Variants in RADIL observed in about 807,000 individuals in gnomAD.
RADIL encodes ras-associating and dilute domain-containing protein.
Under a neutral mutation model 97.6 loss-of-function variants are expected in RADIL, and 99 were observed. That is an observed-to-expected ratio of 1.01 (90% CI 0.86 to 1.20). RADIL has a LOEUF of 1.20. RADIL is among the 50% of genes most tolerant of loss of function. The pLI is 0.00. For synonymous variants in RADIL, 803 were observed against 691.8 expected, an observed-to-expected ratio of 1.16 and a Z score of -2.52; for missense variants, 1,765 against 1,498.9, an observed-to-expected ratio of 1.18 and a Z score of -2.93.
chr7:4,800,653 C>T (rs1222357423), intron 12 of RADIL, among the ~76,000 whole-genome samples: 1 of 152,272 alleles, frequency 6.6e-6, no homozygotes, highest in South Asian at 2.1e-4. Flanking sequence ...CCTCCTCCCT[C>T]CACACCCAGA....
chr7:4,836,617 G>T lies in RADIL; in HGVS notation c.536-12C>A. ...CTGGGCGTTTATCCCTGGAACAGAA[G>T]CAACACAAGGTGAACAGTTAGAAGT... is the stretch of plus-strand genomic sequence containing the variant. On this transcript the variant is annotated splice_polypyrimidine_tract_variant and intron_variant, in intron 2 of 14. Transcript: ENST00000399583. 6.2e-7 allele frequency: 1 copy of T among 1,605,396 alleles called. No homozygotes were observed. The highest frequency in any genetic ancestry group is 8.5e-7 in the Non-Finnish European group (1 of 1,179,634).
chr7:4,820,375 A>T (rs1259116398), intron 6 of RADIL, among the ~76,000 whole-genome samples: 1 of 152,166 alleles, frequency 6.6e-6, no homozygotes, highest in Non-Finnish European at 1.5e-5. Flanking sequence ...GTGGAGACTT[A>T]GGGACCCACA....
rs993400653 is a variant in RADIL at position 4,821,180 on chromosome 7, C to A, written c.1615+1214G>T. On this transcript the variant is annotated intron_variant, in intron 6 of 14. Transcript: ENST00000399583. This position sits in a 1 kb window ranked among gnomAD's most constrained non-coding sequence, Gnocchi z 5.2. ...CTGGAGCAGCTCTGAATGCACCACT[C>A]CCTACCCGGATCCTCCAGAAGCCAG... 3.2e-4 allele frequency among the ~76,000 whole-genome samples: 48 copies of A among 152,186 alleles called. No homozygotes were observed. Among genetic ancestry groups the A allele is most frequent in the Non-Finnish European group, 4.9e-4 (33 of 68,034 alleles).
intron 2 of RADIL, among the ~76,000 whole-genome samples, chr7:4,866,916 G>C (rs1257979513): frequency 1.3e-5 from 2 of 152,190 alleles, no homozygotes; most frequent in Non-Finnish European, 2.9e-5. Context: ...GGCAAGACCA[G>C]ATCGAGAATG....
At chr7:4,830,178 A>G (rs948501580) in intron 5 of RADIL, among the ~76,000 whole-genome samples, 1 of 152,212 alleles carries the variant, frequency 6.6e-6, no homozygotes, top group East Asian at 1.9e-4. Context: ...ACACTGTGCT[A>G]GGTGCTTTTT....
At position 4,816,391 on chromosome 7, in the gene RADIL, C is replaced by T. The variant is rs150074144; in HGVS notation, c.1803G>A (p.Ser601=). 292 of 1,609,390 alleles carry T rather than the reference C, an allele frequency of 1.8e-4. No homozygotes were observed. In the East Asian group the frequency reaches 3.3e-3, roughly 18 times the overall value. ...GCAGCTCCTCGGGCAGTTCGGGGGC[C>T]GAGGACCAGCTCTCACGGCGCTCCG... ...FQTERRESWS[S]APELPEELRR... The change falls in exon 8 of 15, where the codon TCG becomes TCA. Residue 601 remains serine, a synonymous_variant. Coordinates refer to ENST00000399583, the MANE Select transcript of RADIL (RefSeq NM_018059.5).
intron 2 of RADIL, chr7:4,859,552 C>T (rs1279441511): frequency 4.6e-6 from 1 of 217,976 alleles, no homozygotes; most frequent in East Asian, 1.2e-4. Context: ...ACCAAATGAG[C>T]CTCAATCTAT....
At position 4,873,106 on chromosome 7, in the gene RADIL, T is replaced by C. The variant is rs953585307; in HGVS notation, c.535+4499A>G. On this transcript the variant is annotated intron_variant, in intron 2 of 14. Coordinates refer to ENST00000399583, the MANE Select transcript of RADIL (RefSeq NM_018059.5). The surrounding 1 kb of genome is among the most constrained non-coding windows in gnomAD (Gnocchi z 4.3). Reference sequence around the variant, plus strand: ...CCATCATGCCCGGCTACTTCTTTTATATTTTCAGTAGAGACGGGGTTTCAC... The same window carrying C: ...CCATCATGCCCGGCTACTTCTTTTACATTTTCAGTAGAGACGGGGTTTCAC... Among the ~76,000 whole-genome samples the C allele has an allele frequency of 1.3e-5, 2 of 152,168 alleles. No individual in the cohort carries two copies. The highest frequency in any genetic ancestry group is 2.9e-5 in the Non-Finnish European group (2 of 68,028).
intron 5 of RADIL, among the ~76,000 whole-genome samples, chr7:4,826,273 TA>T (rs1449433676): frequency 1.3e-5 from 2 of 151,966 alleles, no homozygotes; most frequent in African/African-American, 4.8e-5. Context: ...ACAGTAGTGT[TA>T]AAAGCAAGCT....
intron 9 of RADIL, among the ~76,000 whole-genome samples, chr7:4,810,198 CTG>C (rs1361702044): frequency 6.6e-6 from 1 of 152,142 alleles, no homozygotes; most frequent in Non-Finnish European, 1.5e-5. Flanking sequence ...GGGTCTTACT[CTG>C]TCACCCAGGC....
intron 2 of RADIL, among the ~76,000 whole-genome samples, chr7:4,866,914 C>A (rs1000523556): frequency 1.3e-5 from 2 of 152,142 alleles, no homozygotes; most frequent in South Asian, 4.1e-4. Flanking sequence ...CTGGCAAGAC[C>A]AGATCGAGAA....
At chr7:4,839,406 T>A (rs902693174) in intron 2 of RADIL, among the ~76,000 whole-genome samples, 1 of 152,170 alleles carries the variant, frequency 6.6e-6, no homozygotes, top group Non-Finnish European at 1.5e-5. Context: ...ATGTGTTTTA[T>A]GGCCAAGCGT....
At position 4,872,806 on chromosome 7, in the gene RADIL, G is replaced by A. The variant is rs541759043; in HGVS notation, c.535+4799C>T. Among the ~76,000 whole-genome samples, 5 of 152,278 alleles carry A rather than the reference G, an allele frequency of 3.3e-5. No individual in the cohort carries two copies. Among genetic ancestry groups the A allele is most frequent in the African/African-American group, 7.2e-5 (3 of 41,568 alleles). On this transcript the variant is annotated intron_variant, in intron 2 of 14. Coordinates refer to ENST00000399583, the MANE Select transcript of RADIL (RefSeq NM_018059.5). This position sits in a 1 kb window ranked among gnomAD's most constrained non-coding sequence, Gnocchi z 5.8. ...AGTGATGAGTGAACCGGCAGGAAGC[G>A]CCTGGCTGACACCTTCCCCACCAGA...
chr7:4,828,479 T>G (rs1030505013), intron 5 of RADIL, among the ~76,000 whole-genome samples: 2 of 152,200 alleles, frequency 1.3e-5, no homozygotes, highest in Admixed American at 6.5e-5. Context: ...AACCTAGGAA[T>G]GTAGCACTCC....
At position 4,813,070 on chromosome 7, in the gene RADIL, TTCTTTC is replaced by T. The variant is rs897006739; in HGVS notation, c.2139+2202_2139+2207del. Among the ~76,000 whole-genome samples, 10 of 117,110 alleles carry T rather than the reference TTCTTTC, an allele frequency of 8.5e-5. No homozygotes were observed. The highest frequency in any genetic ancestry group is 1.3e-4 in the Non-Finnish European group (7 of 54,188). 76.8% of individuals were successfully genotyped at this position (117,110 alleles called of 152,430 possible). A position where few individuals can be genotyped will look rare whatever the true frequency, so the allele number is the denominator to read the frequency against. ...CTGCTTCATCCTTACCCCAAGGTTCTTCTTTCTCTCTCTCTCTCTCTCTCTCTCTCT... is the reference window on the plus strand; with the variant it reads ...CTGCTTCATCCTTACCCCAAGGTTCTTCTCTCTCTCTCTCTCTCTCTCTCT... On this transcript the variant is annotated intron_variant, in intron 9 of 14. Transcript: ENST00000399583. The surrounding 1 kb of genome is among the most constrained non-coding windows in gnomAD (Gnocchi z 5.0).
In RADIL at chr7:4,824,615, C is replaced by T. The variant is rs1006998539; in HGVS notation, c.1455-2061G>A. 3.7e-4 allele frequency among the ~76,000 whole-genome samples: 57 copies of T among 152,340 alleles called. 2 individuals carry two copies. The highest frequency in any genetic ancestry group is 2.9e-3 in the Admixed American group (44 of 15,306). On this transcript the variant is annotated intron_variant, in intron 5 of 14. Coordinates refer to ENST00000399583, the MANE Select transcript of RADIL (RefSeq NM_018059.5). The surrounding 1 kb of genome is among the most constrained non-coding windows in gnomAD (Gnocchi z 6.7). ...CCACAAACAATGTTGACCTCTCTCGCGTGCACACACCCGGGGAGGGAAGAA... is the reference window on the plus strand; with the variant it reads ...CCACAAACAATGTTGACCTCTCTCGTGTGCACACACCCGGGGAGGGAAGAA...
At chr7:4,865,855 A>G in intron 2 of RADIL, 1 of 694,158 alleles carries the variant, frequency 1.4e-6, no homozygotes, top group Admixed American at 2.1e-5. Flanking sequence ...CTGTGTTGAG[A>G]TATGTTTAGA....
At chr7:4,841,585 T>A (rs774194973) in intron 2 of RADIL, among the ~76,000 whole-genome samples, 72 of 152,116 alleles carry the variant, frequency 4.7e-4, no homozygotes, top group Admixed American at 1.3e-3. Context: ...TGCCCCGTGT[T>A]GATCCACTCT....
Position 4,815,378 on chromosome 7 carries a change from C to T in RADIL, c.2039G>A (p.Trp680Ter). The change falls in exon 9 of 15, where the codon TGG becomes TAG. Residue 680 changes from tryptophan to a stop codon, truncating the protein, a stop_gained. Transcript: ENST00000399583. LOFTEE classifies it high-confidence loss of function. The surrounding 1 kb of genome is among the most constrained non-coding windows in gnomAD (Gnocchi z 8.0). ...CGCCCCGAAGCCGGCGCTCCGCATC[C>T]ACTCCAGGAGCTGCTGCAGGCGGGC... ...ACARLQQLLE[W>*]MRSAGFGAAG... is the part of the protein sequence containing the mutation. The T allele has an allele frequency of 1.3e-6, 2 of 1,565,536 alleles. No individual in the cohort carries two copies. The highest frequency in any genetic ancestry group is 1.7e-6 in the Non-Finnish European group (2 of 1,155,872).
Sources: allele counts gnomAD v4.1 joint callset (sites outside exome capture counted in the v4.1 genomes callset), GRCh38; gene constraint gnomAD v4.1.1; non-coding constraint Gnocchi (gnomAD v3.1); transcripts MANE v1.5; gene names NCBI Gene and HGNC (gene_info 2026-07-23, HGNC 2026-07-21).